MUC13: variants seen among roughly 807,000 people sequenced by gnomAD.
MUC13 encodes the protein mucin-13.
In MUC13, 32 loss-of-function variants were observed where a neutral mutation model predicts 48.3. The observed-to-expected ratio is 0.66, with a 90% CI of 0.50 to 0.89. MUC13 has a LOEUF of 0.89. MUC13 is among the 40% of genes least tolerant of loss of function. The probability of loss-of-function intolerance (pLI) is 0.00; values close to 1 mark genes in which losing one functional copy is unlikely to be tolerated. For missense variants in MUC13, 571 were observed against 622.8 expected (o/e 0.92, Z 0.88); for synonymous variants, 199 against 224.9 (o/e 0.88, Z 1.03).
intron 2 of MUC13, among the ~76,000 whole-genome samples, chr3:124,926,570 G>A (rs1436474063): frequency 2.6e-5 from 4 of 152,212 alleles, no homozygotes; most frequent in Non-Finnish European, 5.9e-5. Flanking sequence ...CATTGAGGAA[G>A]CTACCAGAAG....
chr3:124,910,896 C>G (rs1208018554), intron 9 of MUC13, among the ~76,000 whole-genome samples: 1 of 152,150 alleles, frequency 6.6e-6, no homozygotes, highest in East Asian at 1.9e-4. Flanking sequence ...AATGTCACTG[C>G]TAGAGGAGCC....
intron 10 of MUC13, among the ~76,000 whole-genome samples, chr3:124,908,689 A>G (rs942243096): frequency 6.6e-6 from 1 of 152,240 alleles, no homozygotes; most frequent in African/African-American, 2.4e-5. Context: ...AGCTCTGTGT[A>G]GCGACAAAAC....
At chr3:124,909,607 A>T (rs949558161) in intron 10 of MUC13, among the ~76,000 whole-genome samples, 2 of 151,762 alleles carry the variant, frequency 1.3e-5, no homozygotes, top group Admixed American at 1.3e-4. Flanking sequence ...AGTTCAAGGA[A>T]TTCTCCTGCC....
At position 124,927,944 on chromosome 3, in the gene MUC13, C is replaced by T. The variant is rs777669308; in HGVS notation, c.102G>A (p.Ala34=). Residue 34 remains alanine (A), a synonymous_variant, in exon 2 of 12, where the codon GCG becomes GCA. Coordinates refer to ENST00000616727, the MANE Select transcript of MUC13 (RefSeq NM_033049.4). ...CTGCAGCTACTGTAGGACCACTAGT[C>T]GCAGTTTCTGTGGTTGTTACAGCAT... is the stretch of plus-strand genomic sequence containing the variant. The part of the protein sequence containing the change: ...SADAVTTTET[A]TSGPTVAAAD... The T allele has an allele frequency of 3.8e-6, 6 of 1,585,516 alleles. No individual in the cohort carries two copies. Among genetic ancestry groups the T allele is most frequent in the South Asian group, 1.2e-5 (1 of 84,352 alleles).
At chr3:124,927,396 A>C in intron 2 of MUC13, 136 bp downstream of exon 2, 1 of 766,918 alleles carries the variant, frequency 1.3e-6, no homozygotes, top group African/African-American at 1.8e-5. Flanking sequence ...CACAGATTTC[A>C]AGCCCACAGT....
rs150242002 is a variant in MUC13 at position 124,922,234 on chromosome 3, A to G, written c.707T>C (p.Met236Thr). 1.2e-6 allele frequency: 2 copies of G among 1,614,096 alleles called. No individual in the cohort carries two copies. The highest frequency in any genetic ancestry group is 2.2e-5 in the East Asian group (1 of 44,896). ...ETFDPEEKHSMAYQDLHSEIT... is the reference protein window; with the variant it reads ...ETFDPEEKHSTAYQDLHSEIT... Reference sequence around the variant, plus strand: ...TTCACTATGCAAGTCTTGATAGGCCATGGAATGTTTCTCTTCTGGGTCAAA... The same window carrying G: ...TTCACTATGCAAGTCTTGATAGGCCGTGGAATGTTTCTCTTCTGGGTCAAA... Residue 236 changes from methionine (M) to threonine (T), a missense_variant, in exon 4 of 12, where the codon ATG becomes ACG. Coordinates refer to ENST00000616727, the MANE Select transcript of MUC13 (RefSeq NM_033049.4).
intron 8 of MUC13, 131 bp downstream of exon 8, chr3:124,912,980 A>T: frequency 1.8e-5 from 10 of 568,560 alleles, no homozygotes; most frequent in East Asian, 3.6e-5. Context: ...GACAATGATG[A>T]GGATGCTGTC....
intron 6 of MUC13, among the ~76,000 whole-genome samples, chr3:124,915,612 T>G (rs1935499432): frequency 6.6e-6 from 1 of 152,176 alleles, no homozygotes; most frequent in Admixed American, 6.5e-5. Context: ...ATGATGGTTG[T>G]TTTTGGCCAC....
At chr3:124,931,639 T>G (rs1157471866) in intron 1 of MUC13, among the ~76,000 whole-genome samples, 1 of 151,748 alleles carries the variant, frequency 6.6e-6, no homozygotes, top group African/African-American at 2.4e-5. Context: ...TCCCAGCCAC[T>G]CGGGAAACTG....
At chr3:124,914,856 T>A (rs977116341) in intron 6 of MUC13, among the ~76,000 whole-genome samples, 1 of 151,200 alleles carries the variant, frequency 6.6e-6, no homozygotes, top group African/African-American at 2.4e-5. Context: ...AACCCGGGAG[T>A]TGGAGGTTGT....
chr3:124,928,048 C>A, intron 1 of MUC13, 55 bp from the exon 2 acceptor site: 1 of 1,215,506 alleles, frequency 8.2e-7, no homozygotes, highest in Non-Finnish European at 1.1e-6. Context: ...TAACTAATGG[C>A]AGTTACTTAA....
At chr3:124,918,983 C>A (rs1475031291) in intron 5 of MUC13, among the ~76,000 whole-genome samples, 1 of 152,032 alleles carries the variant, frequency 6.6e-6, no homozygotes, top group Non-Finnish European at 1.5e-5. Context: ...TTTAAAATAC[C>A]TCTCTGAAAT....
chr3:124,927,457 C>T, intron 2 of MUC13, 75 bp downstream of exon 2: 1 of 1,440,108 alleles, frequency 6.9e-7, no homozygotes, highest in East Asian at 2.3e-5. Flanking sequence ...CCTACCCCAC[C>T]AGAACATACC....
At chr3:124,931,246 C>T (rs904088758) in intron 1 of MUC13, among the ~76,000 whole-genome samples, 2 of 151,044 alleles carry the variant, frequency 1.3e-5, no homozygotes, top group Non-Finnish European at 2.9e-5. Context: ...TCCTGGCCAA[C>T]ATGATGAAAC....
intron 10 of MUC13, among the ~76,000 whole-genome samples, chr3:124,909,013 G>A (rs962937991): frequency 6.6e-6 from 1 of 152,032 alleles, no homozygotes; most frequent in Non-Finnish European, 1.5e-5. Context: ...AATTAACCAG[G>A]CACAGTGGCA....
intron 5 of MUC13, among the ~76,000 whole-genome samples, chr3:124,919,127 G>A (rs1259304599): frequency 1.3e-5 from 2 of 151,806 alleles, no homozygotes; most frequent in Non-Finnish European, 2.9e-5. Flanking sequence ...CACGAGGTCA[G>A]GAGTTCGAGA....
chr3:124,919,634 T>C (rs1935561052), intron 5 of MUC13, among the ~76,000 whole-genome samples: 1 of 152,216 alleles, frequency 6.6e-6, no homozygotes, highest in Non-Finnish European at 1.5e-5. Flanking sequence ...AGTACGTGTG[T>C]ATTAATGTGC....
chr3:124,910,754 G>T (rs975401662), intron 9 of MUC13, among the ~76,000 whole-genome samples: 1 of 152,212 alleles, frequency 6.6e-6, no homozygotes, highest in African/African-American at 2.4e-5. Context: ...AAGGATGGTG[G>T]CAGGGTCTTC....
intron 2 of MUC13, 131 bp downstream of exon 2, chr3:124,927,401 C>T: frequency 1.3e-6 from 1 of 798,848 alleles, no homozygotes; most frequent in Non-Finnish European, 2.0e-6. Context: ...ATTTCAAGCC[C>T]ACAGTTCATT....
Sources: allele counts gnomAD v4.1 joint callset (sites outside exome capture counted in the v4.1 genomes callset), GRCh38; gene constraint gnomAD v4.1.1; transcripts MANE v1.5; gene names NCBI Gene and HGNC (gene_info 2026-07-23, HGNC 2026-07-21).